The following AGAP1 variants were observed in gnomAD, a reference collection of about 807,000 sequenced individuals.
AGAP1 encodes arf-GAP with GTPase, ANK repeat and PH domain-containing protein 1.
In AGAP1, 29 loss-of-function variants were observed where a neutral mutation model predicts 105.3. The ratio of observed to expected loss-of-function variants is 0.28; its 90% confidence interval spans 0.21 to 0.38. The LOEUF (loss-of-function observed/expected upper bound fraction) is 0.38. Ranked by LOEUF, AGAP1 falls within the 10% of genes least tolerant of loss-of-function variation. The probability of loss-of-function intolerance (pLI) is 1.00; values close to 1 mark genes in which losing one functional copy is unlikely to be tolerated. For synonymous variants in AGAP1, 509 were observed against 485.9 expected (o/e 1.05, Z -0.63); for missense variants, 998 against 1,165.1 (o/e 0.86, Z 2.09).
At chr2:235,587,732 G>T (rs1221946560) in intron 1 of AGAP1, among the ~76,000 whole-genome samples, 1 of 148,786 alleles carries the variant, frequency 6.7e-6, no homozygotes, top group African/African-American at 2.5e-5. Flanking sequence ...TCCAGTCTGG[G>T]CAACAAGAGC....
At chr2:236,077,474 AC>A (rs1195026170) in intron 16 of AGAP1, among the ~76,000 whole-genome samples, 1 of 151,938 alleles carries the variant, frequency 6.6e-6, no homozygotes, top group Non-Finnish European at 1.5e-5. Flanking sequence ...GCGTGCCACC[AC>A]GGCCAGCTAA....
chr2:235,635,774 A>G lies in AGAP1; in HGVS notation c.164-73405A>G, dbSNP rs1275407706. ...ACTTGTTGGCTTTGGAGGTTTACTG[A>G]TAGGTCGTTCTGAGTAGGACAAATG... On this transcript the variant is annotated intron_variant, in intron 1 of 17. Transcript: ENST00000304032. This position sits in a 1 kb window ranked among gnomAD's most constrained non-coding sequence, Gnocchi z 5.3. Among the ~76,000 whole-genome samples the G allele has an allele frequency of 6.6e-6, 1 of 152,100 alleles. No individual in the cohort carries two copies. Among genetic ancestry groups the G allele is most frequent in the Non-Finnish European group, 1.5e-5 (1 of 68,026 alleles).
chr2:235,997,375 C>T (rs1225107151), intron 13 of AGAP1, among the ~76,000 whole-genome samples: 2 of 152,218 alleles, frequency 1.3e-5, no homozygotes, highest in Non-Finnish European at 2.9e-5. Context: ...GCATGAGCCA[C>T]CGTGCCCAGC....
intron 11 of AGAP1, among the ~76,000 whole-genome samples, chr2:235,926,393 G>A (rs1035545148): frequency 1.3e-5 from 2 of 152,274 alleles, no homozygotes; most frequent in Middle Eastern, 3.4e-3. Flanking sequence ...ATGCTCCATG[G>A]GCGTGTTAAC....
intron 9 of AGAP1, among the ~76,000 whole-genome samples, chr2:235,878,753 A>G (rs1456923668): frequency 6.6e-6 from 1 of 152,206 alleles, no homozygotes; most frequent in Non-Finnish European, 1.5e-5. Context: ...CTGTCCGCTC[A>G]TGTTCCTTGA....
Position 235,663,429 on chromosome 2 carries a change from T to C in AGAP1, c.164-45750T>C, listed in dbSNP as rs1209759018. Among the ~76,000 whole-genome samples the C allele has an allele frequency of 2.6e-5, 4 of 152,184 alleles. No homozygotes were observed. The highest frequency in any genetic ancestry group is 5.9e-5 in the Non-Finnish European group (4 of 68,036). On this transcript the variant is annotated intron_variant, in intron 1 of 17. Coordinates refer to ENST00000304032, the MANE Select transcript of AGAP1 (RefSeq NM_001037131.3). This position sits in a 1 kb window ranked among gnomAD's most constrained non-coding sequence, Gnocchi z 5.4. ...GTTTTCTACATTTAGAGGAAAAATA[T>C]ACATCAAATATTCAAGTCCCCTGGG... is the stretch of plus-strand genomic sequence containing the variant.
intron 9 of AGAP1, among the ~76,000 whole-genome samples, chr2:235,873,513 G>A (rs917182222): frequency 6.6e-6 from 1 of 151,786 alleles, no homozygotes; most frequent in African/African-American, 2.4e-5. Flanking sequence ...TTTTTTTAAA[G>A]GTTTACATGT....
chr2:235,961,189 G>A lies in AGAP1; in HGVS notation c.1484-7273G>A, dbSNP rs2054169965. On this transcript the variant is annotated intron_variant, in intron 12 of 17. Coordinates refer to ENST00000304032, the MANE Select transcript of AGAP1 (RefSeq NM_001037131.3). The surrounding 1 kb of genome is among the most constrained non-coding windows in gnomAD (Gnocchi z 5.9). ...CATGGAGCATGTCATGTCCCCATGT[G>A]GAGAGAGCCACGGAGCACAGGGGGC... 1.3e-5 allele frequency among the ~76,000 whole-genome samples: 2 copies of A among 152,218 alleles called. No individual in the cohort carries two copies. Among genetic ancestry groups the A allele is most frequent in the Admixed American group, 1.3e-4 (2 of 15,288 alleles).
chr2:235,909,257 T>G (rs1210849995), intron 11 of AGAP1, among the ~76,000 whole-genome samples: 1 of 152,200 alleles, frequency 6.6e-6, no homozygotes, highest in Non-Finnish European at 1.5e-5. Context: ...TTCTGATAAC[T>G]GTATGTATGA....
chr2:235,793,139 C>T lies in AGAP1; in HGVS notation c.674-4620C>T, dbSNP rs549796428. Among the ~76,000 whole-genome samples the T allele has an allele frequency of 4.6e-5, 7 of 152,210 alleles. No individual in the cohort carries two copies. The highest frequency in any genetic ancestry group is 2.1e-4 in the South Asian group (1 of 4,810). On this transcript the variant is annotated intron_variant, in intron 6 of 17. Transcript: ENST00000304032. The surrounding 1 kb of genome is among the most constrained non-coding windows in gnomAD (Gnocchi z 5.3). ...TGCTGCTCAGAGGTCCAGGAAGGTGCGACCTAGCCTCTGGACCACTCCCAG... is the reference window on the plus strand; with the variant it reads ...TGCTGCTCAGAGGTCCAGGAAGGTGTGACCTAGCCTCTGGACCACTCCCAG...
At chr2:235,946,275 CT>C (rs1338319693) in intron 12 of AGAP1, among the ~76,000 whole-genome samples, 3 of 135,176 alleles carry the variant, frequency 2.2e-5, no homozygotes, top group Non-Finnish European at 3.1e-5. Flanking sequence ...TCATAATAGG[CT>C]TTTTTTCCTT....
In AGAP1 at chr2:235,733,101, G is replaced by A. The variant is rs1034525289; in HGVS notation, c.311-7862G>A. On this transcript the variant is annotated intron_variant, in intron 3 of 17. Transcript: ENST00000304032. This position sits in a 1 kb window ranked among gnomAD's most constrained non-coding sequence, Gnocchi z 5.0. ...AGGGACCAGGGCTCTGCTCTTCCTG[G>A]GAATTTACCACATCCTCTTCCAGGT... Among the ~76,000 whole-genome samples, 1 of 152,180 alleles carries A rather than the reference G, an allele frequency of 6.6e-6. No individual in the cohort carries two copies. Among genetic ancestry groups the A allele is most frequent in the African/African-American group, 2.4e-5 (1 of 41,446 alleles).
intron 13 of AGAP1, among the ~76,000 whole-genome samples, chr2:236,031,303 AAG>A (rs1000501607): frequency 2.0e-5 from 3 of 152,130 alleles, no homozygotes; most frequent in African/African-American, 7.2e-5. Flanking sequence ...AGGGAGGAGA[AAG>A]AGAAGCAGTG....
intron 8 of AGAP1, 62 bp from the exon 9 acceptor site, chr2:235,807,177 G>T (rs1957880502): frequency 5.9e-6 from 9 of 1,522,964 alleles, no homozygotes; most frequent in East Asian, 2.3e-5. Flanking sequence ...GCAAACAGGG[G>T]CAGAGCCCCG....
chr2:235,575,620 C>G (rs1441629014), intron 1 of AGAP1, among the ~76,000 whole-genome samples: 1 of 152,234 alleles, frequency 6.6e-6, no homozygotes, highest in Non-Finnish European at 1.5e-5. Flanking sequence ...CACTAGTATC[C>G]AGAGACAAAC....
chr2:235,953,317 C>T lies in AGAP1; in HGVS notation c.1484-15145C>T, dbSNP rs2053818712. Among the ~76,000 whole-genome samples the T allele has an allele frequency of 6.6e-6, 1 of 152,190 alleles. No homozygotes were observed. On this transcript the variant is annotated intron_variant, in intron 12 of 17. Transcript: ENST00000304032. The surrounding 1 kb of genome is among the most constrained non-coding windows in gnomAD (Gnocchi z 5.2). ...GATGGTTCCCACAGTTGCCTTCTAA[C>T]ATAACAAAAGGTTACATGTGATGGC...
At position 235,777,611 on chromosome 2, in the gene AGAP1, C is replaced by T. The variant is rs936254504; in HGVS notation, c.674-20148C>T. Among the ~76,000 whole-genome samples the T allele has an allele frequency of 1.3e-5, 2 of 152,198 alleles. No homozygotes were observed. The highest frequency in any genetic ancestry group is 1.3e-4 in the Admixed American group (2 of 15,280). ...GCTGTCTCACCTGCACCCCTCCAATCGCCTTCTCAGAATCCGACGCTGGTC... is the reference window on the plus strand; with the variant it reads ...GCTGTCTCACCTGCACCCCTCCAATTGCCTTCTCAGAATCCGACGCTGGTC... On this transcript the variant is annotated intron_variant, in intron 6 of 17. Transcript: ENST00000304032. This position sits in a 1 kb window ranked among gnomAD's most constrained non-coding sequence, Gnocchi z 5.1.
At position 235,658,094 on chromosome 2, in the gene AGAP1, C is replaced by T. The variant is rs547290636; in HGVS notation, c.164-51085C>T. Among the ~76,000 whole-genome samples the T allele has an allele frequency of 2.0e-5, 3 of 152,304 alleles. No homozygotes were observed. The East Asian group carries it at 5.8e-4, about 29-fold the overall frequency. Reference sequence around the variant, plus strand: ...TTTGTTAGGTCAAGGCTGGTAAACTCGTACAGTGATGGCTTCAAATGTTAT... The same window carrying T: ...TTTGTTAGGTCAAGGCTGGTAAACTTGTACAGTGATGGCTTCAAATGTTAT... On this transcript the variant is annotated intron_variant, in intron 1 of 17. Transcript: ENST00000304032.
intron 6 of AGAP1, among the ~76,000 whole-genome samples, chr2:235,755,580 A>G (rs1436483589): frequency 1.3e-5 from 2 of 152,106 alleles, no homozygotes; most frequent in Non-Finnish European, 2.9e-5. Flanking sequence ...AGCTGGGATT[A>G]CAGGTGTGCG....
Sources: gnomAD v4.1 joint callset for allele counts (sites outside exome capture counted in the v4.1 genomes callset) on GRCh38, gnomAD v4.1.1 for gene constraint, Gnocchi (gnomAD v3.1) non-coding constraint, MANE v1.5 for transcripts, NCBI Gene and HGNC (gene_info 2026-07-23, HGNC 2026-07-21) for gene names.